The following BZW2 variants were observed in gnomAD, a reference collection of about 807,000 sequenced individuals.
The protein encoded by BZW2 is basic leucine zipper and W2 domains 2.
A neutral mutation model predicts 53.2 loss-of-function variants in BZW2; 23 were observed. The ratio of observed to expected loss-of-function variants is 0.43; its 90% CI spans 0.31 to 0.61. The LOEUF (loss-of-function observed/expected upper bound fraction) is 0.61, where lower values mean the gene tolerates loss of function less well. BZW2 is among the 20% of genes least tolerant of loss of function. BZW2 has a pLI of 0.09. For missense variants in BZW2, 409 were observed against 503.1 expected, an observed-to-expected ratio of 0.81 and a Z score of 1.79; for synonymous variants, 227 against 186.4, an observed-to-expected ratio of 1.22 and a Z score of -1.77.
intron 8 of BZW2, 39 bp downstream of exon 8, chr7:16,695,043 A>C: frequency 6.8e-7 from 1 of 1,477,480 alleles, no homozygotes; most frequent in Non-Finnish European, 9.1e-7. Context: ...AATACACATG[A>C]ATGAGAGGAA....
intron 5 of BZW2, 147 bp from the exon 6 acceptor site, chr7:16,685,758 A>G (rs1783095980): frequency 6.9e-6 from 7 of 1,012,230 alleles, no homozygotes; most frequent in Non-Finnish European, 9.6e-6. Flanking sequence ...ATGAATTACT[A>G]TGCTTTGCAT....
At chr7:16,667,780 A>AT (rs1420282069) in intron 2 of BZW2, among the ~76,000 whole-genome samples, 1 of 152,040 alleles carries the variant, frequency 6.6e-6, no homozygotes, top group Admixed American at 6.5e-5. Context: ...TCCCTTTTCT[A>AT]TTTTTTTCAT....
chr7:16,652,049 C>A (rs1424029597), intron 1 of BZW2, among the ~76,000 whole-genome samples: 1 of 152,136 alleles, frequency 6.6e-6, no homozygotes, highest in Non-Finnish European at 1.5e-5. Context: ...GGCCCCAACT[C>A]TTCCATGTAC....
chr7:16,672,952 CTT>C (rs59698213), intron 2 of BZW2, among the ~76,000 whole-genome samples: 1 of 146,606 alleles, frequency 6.8e-6, no homozygotes, highest in Non-Finnish European at 1.5e-5. Context: ...TATCCACTTT[CTT>C]TTTTTTTTTG....
At chr7:16,668,723 C>G (rs1782508077) in intron 2 of BZW2, among the ~76,000 whole-genome samples, 1 of 152,186 alleles carries the variant, frequency 6.6e-6, no homozygotes, top group South Asian at 2.1e-4. Context: ...AGCCAGTGCT[C>G]CTGCATGCCA....
intron 3 of BZW2, among the ~76,000 whole-genome samples, chr7:16,678,462 C>T (rs1271459580): frequency 3.3e-5 from 5 of 152,216 alleles, no homozygotes; most frequent in East Asian, 3.9e-4. Flanking sequence ...ACTCCAAAAA[C>T]GTTAGAAATG....
intron 7 of BZW2, among the ~76,000 whole-genome samples, chr7:16,692,429 T>C (rs1172376246): frequency 1.8e-4 from 28 of 152,032 alleles, no homozygotes; most frequent in Admixed American, 1.8e-3. Flanking sequence ...GAGTGGGCCA[T>C]AAACTAAAAA....
At chr7:16,669,351 C>T (rs956003909) in intron 2 of BZW2, among the ~76,000 whole-genome samples, 8 of 152,140 alleles carry the variant, frequency 5.3e-5, no homozygotes, top group South Asian at 2.1e-4. Context: ...CGTCTCAGAA[C>T]GCCTGGGCTC....
chr7:16,676,908 C>T (rs1344147887), intron 3 of BZW2, among the ~76,000 whole-genome samples: 1 of 152,102 alleles, frequency 6.6e-6, no homozygotes, highest in Non-Finnish European at 1.5e-5. Context: ...CCTCCTTCTA[C>T]CTCTCTGCAT....
intron 10 of BZW2, among the ~76,000 whole-genome samples, chr7:16,700,194 A>G (rs1158320402): frequency 6.6e-6 from 1 of 152,226 alleles, no homozygotes; most frequent in African/African-American, 2.4e-5. Flanking sequence ...GTAATTTTGT[A>G]ATTTTCCACA....
At chr7:16,655,197 A>G (rs75805263) in intron 1 of BZW2, among the ~76,000 whole-genome samples, 4,423 of 152,286 alleles carry the variant, frequency 0.029, 194 homozygotes, top group African/African-American at 0.099. Flanking sequence ...AGTATAGTCA[A>G]AAGAATGATC....
rs747035162 is a variant in BZW2, at chr7:16,665,452, G to A, written c.9G>A (p.Lys3=). 1 of 1,614,098 alleles carries A rather than the reference G, an allele frequency of 6.2e-7. No individual in the cohort carries two copies. The highest frequency in any genetic ancestry group is 1.1e-5 in the South Asian group (1 of 91,078). ...TTGTTTTCAGAAATTTTATGAATAA[G>A]CATCAGAAGCCAGTGCTAACAGGCC... MN[K]HQKPVLTGQR... Residue 3 remains lysine (K), a synonymous_variant, in exon 2 of 12, where the codon AAG becomes AAA. Transcript: ENST00000258761.
At chr7:16,665,785 GT>G (rs1274044467) in intron 2 of BZW2, among the ~76,000 whole-genome samples, 1 of 152,180 alleles carries the variant, frequency 6.6e-6, no homozygotes, top group African/African-American at 2.4e-5. Context: ...AATTTTACTG[GT>G]TTTGACATTA....
At chr7:16,679,432 C>A (rs950876295) in intron 3 of BZW2, among the ~76,000 whole-genome samples, 1 of 152,206 alleles carries the variant, frequency 6.6e-6, no homozygotes, top group African/African-American at 2.4e-5. Context: ...CTAATTAAAT[C>A]TCATGCATAA....
At position 16,656,137 on chromosome 7, in the gene BZW2, C is replaced by CTATATATATATATATATATATATA. The variant is rs1554264390; in HGVS notation, c.-7-9286_-7-9285insTATATATATATATATATATATATA. ...TATATGTGTGTATATATATAAATGA[C>CTATATATATATATATATATATATA]TATATATATATATACATAAATATTT... On this transcript the variant is annotated intron_variant, in intron 1 of 11. Coordinates refer to ENST00000258761, the MANE Select transcript of BZW2 (RefSeq NM_014038.3). Among the ~76,000 whole-genome samples, 221 of 141,490 alleles carry CTATATATATATATATATATATATA rather than the reference C, an allele frequency of 1.6e-3. 1 individual carries two copies. The highest frequency in any genetic ancestry group is 5.6e-3 in the African/African-American group (192 of 34,512). The allele number at this position is 141,490 out of a possible 152,430, so 92.8% of individuals were successfully genotyped here. A position where few individuals can be genotyped will look rare whatever the true frequency, so the allele number is the denominator to read the frequency against.
chr7:16,698,099 A>G lies in BZW2; in HGVS notation c.1021A>G (p.Ile341Val). Reference sequence around the variant, plus strand: ...CAGCTCCCAAGGCCAGTCAGAGCTGATCCTCCTCCAGAAGGTTCAGGAATA... The same window carrying G: ...CAGCTCCCAAGGCCAGTCAGAGCTGGTCCTCCTCCAGAAGGTTCAGGAATA... ...VFSSQGQSEL[I>V]LLQKVQEYCY... The change falls in exon 10 of 12, where the codon ATC becomes GTC. Residue 341 changes from isoleucine to valine, a missense_variant. Around this residue, in one of 3 missense-constraint regions of BZW2, gnomAD observed 88 missense variants for 114.6 expected, o/e 0.77. Coordinates refer to ENST00000258761, the MANE Select transcript of BZW2 (RefSeq NM_014038.3). 6.2e-7 allele frequency: 1 copy of G among 1,614,168 alleles called. No individual in the cohort carries two copies. The highest frequency in any genetic ancestry group is 8.5e-7 in the Non-Finnish European group (1 of 1,180,014).
chr7:16,684,208 G>A (rs1200410369), intron 5 of BZW2, among the ~76,000 whole-genome samples: 1 of 152,198 alleles, frequency 6.6e-6, no homozygotes, highest in Non-Finnish European at 1.5e-5. Flanking sequence ...AAGTGGAAAT[G>A]CGAGGTGCAA....
chr7:16,674,681 T>C (rs1782715257), intron 3 of BZW2, 93 bp downstream of exon 3: 2 of 1,135,872 alleles, frequency 1.8e-6, no homozygotes, highest in Non-Finnish European at 1.2e-6. Context: ...TATAAGTTTA[T>C]GTTTATTAGA....
chr7:16,673,556 A>G (rs1371334623), intron 2 of BZW2, among the ~76,000 whole-genome samples: 1 of 152,152 alleles, frequency 6.6e-6, no homozygotes, highest in African/African-American at 2.4e-5. Flanking sequence ...ATACTATAAA[A>G]TGTTTTGTTT....
Sources: gnomAD v4.1 joint callset for allele counts (sites outside exome capture counted in the v4.1 genomes callset) on GRCh38, gnomAD v4.1.1 for gene constraint, gnomAD v4.1.1 regional missense constraint, MANE v1.5 for transcripts, NCBI Gene and HGNC (gene_info 2026-07-23, HGNC 2026-07-21) for gene names.